UST: variants seen among roughly 807,000 people sequenced by gnomAD.
The protein encoded by UST is uronyl 2-sulfotransferase.
Under a neutral mutation model 45.6 loss-of-function variants are expected in UST, and 21 were observed. That is an observed-to-expected ratio of 0.46 (90% CI 0.33 to 0.66). The LOEUF (loss-of-function observed/expected upper bound fraction) is 0.66. UST is among the 30% of genes least tolerant of loss of function. The pLI, the probability that UST is intolerant of heterozygous loss-of-function variation, is 0.02. For missense variants in UST, 463 were observed against 512.4 expected (o/e 0.90, Z 0.93); for synonymous variants, 215 against 200.6 (o/e 1.07, Z -0.61).
At chr6:148,749,836 T>C (rs1775953970) in intron 1 of UST, among the ~76,000 whole-genome samples, 1 of 152,224 alleles carries the variant, frequency 6.6e-6, no homozygotes, top group Admixed American at 6.5e-5. Flanking sequence ...CTGATCATTA[T>C]ATTTCTGACT....
intron 1 of UST, among the ~76,000 whole-genome samples, chr6:148,753,484 GAAT>G (rs1306312880): frequency 6.6e-6 from 1 of 152,106 alleles, no homozygotes; most frequent in African/African-American, 2.4e-5. Context: ...TTTTATGGCT[GAAT>G]AATATTTCCT....
chr6:148,814,482 A>T (rs1777319226), intron 1 of UST, among the ~76,000 whole-genome samples: 2 of 148,290 alleles, frequency 1.3e-5, no homozygotes, highest in Admixed American at 6.8e-5. Context: ...CAACTGCATT[A>T]AAAAAAAAAT....
intron 7 of UST, among the ~76,000 whole-genome samples, chr6:149,034,750 A>AT (rs1008453492): frequency 6.6e-6 from 1 of 151,300 alleles, no homozygotes; most frequent in Non-Finnish European, 1.5e-5. Context: ...TGGGAGGGAA[A>AT]TTTTTTTTGA....
intron 4 of UST, among the ~76,000 whole-genome samples, chr6:148,962,210 T>C (rs757489412): frequency 2.6e-5 from 4 of 152,274 alleles, no homozygotes; most frequent in Admixed American, 6.5e-5. Context: ...AAGTCTTGCA[T>C]TGGATTGCAA....
chr6:148,759,729 C>T (rs1161125984), intron 1 of UST, among the ~76,000 whole-genome samples: 3 of 140,806 alleles, frequency 2.1e-5, no homozygotes, highest in South Asian at 2.3e-4. Flanking sequence ...GCGCTTGTAG[C>T]CCCAGCTACT....
intron 1 of UST, among the ~76,000 whole-genome samples, chr6:148,831,182 A>G (rs976425003): frequency 1.3e-5 from 2 of 152,162 alleles, no homozygotes; most frequent in Non-Finnish European, 1.5e-5. Flanking sequence ...TCTTTCTCAC[A>G]GACTAGACCA....
intron 1 of UST, among the ~76,000 whole-genome samples, chr6:148,864,243 C>G (rs979497951): frequency 6.6e-6 from 1 of 152,224 alleles, no homozygotes; most frequent in African/African-American, 2.4e-5. Flanking sequence ...CCTCGCAGTT[C>G]GATCTCATAC....
intron 1 of UST, among the ~76,000 whole-genome samples, chr6:148,868,792 G>T (rs937019017): frequency 1.3e-5 from 2 of 152,112 alleles, no homozygotes; most frequent in African/African-American, 4.8e-5. Context: ...AGCGTAACAA[G>T]GGCTACATCT....
At chr6:148,955,766 A>G (rs2114943662) in intron 4 of UST, 1 of 152,352 alleles carries the variant, frequency 6.6e-6, no homozygotes, top group South Asian at 2.1e-4. Flanking sequence ...ACATCCTTAA[A>G]CCTCATTCAT....
At chr6:148,844,451 C>CAGTTTG (rs1231290366) in intron 1 of UST, among the ~76,000 whole-genome samples, 6 of 152,230 alleles carry the variant, frequency 3.9e-5, no homozygotes, top group African/African-American at 1.4e-4. Flanking sequence ...ACATATCTTA[C>CAGTTTG]ATGTACAGTT....
At chr6:148,953,822 G>A (rs758516607) in intron 3 of UST, 50 bp from the exon 4 acceptor site, 20 of 1,090,550 alleles carry the variant, frequency 1.8e-5, no homozygotes, top group Non-Finnish European at 2.6e-5. Context: ...AACTTAATAT[G>A]GCTTGGTAAA....
At chr6:149,005,332 C>T (rs910103732) in intron 5 of UST, 14 of 985,328 alleles carry the variant, frequency 1.4e-5, no homozygotes, top group Non-Finnish European at 1.7e-5. Context: ...GAGGGTTGAG[C>T]GGCCCTGGCT....
chr6:148,805,112 G>A (rs1019005982), intron 1 of UST, among the ~76,000 whole-genome samples: 1 of 152,104 alleles, frequency 6.6e-6, no homozygotes, highest in Non-Finnish European at 1.5e-5. Context: ...ATATGCACAT[G>A]TACATAAAGT....
intron 2 of UST, among the ~76,000 whole-genome samples, chr6:148,905,116 A>G (rs1354314872): frequency 1.3e-5 from 2 of 152,244 alleles, no homozygotes; most frequent in Admixed American, 6.5e-5. Context: ...CATTTTTGTG[A>G]AAAGGAAATC....
intron 1 of UST, among the ~76,000 whole-genome samples, chr6:148,771,933 T>TC (rs2050402650): frequency 6.6e-6 from 1 of 151,998 alleles, no homozygotes; most frequent in African/African-American, 2.4e-5. Context: ...TCTTCCTACC[T>TC]CCCCCAAAAG....
At chr6:148,956,523 G>A in intron 4 of UST, among the ~76,000 whole-genome samples, 1 of 152,122 alleles carries the variant, frequency 6.6e-6, no homozygotes, top group Non-Finnish European at 1.5e-5. Flanking sequence ...CACAATACAT[G>A]GGAATTACAG....
intron 7 of UST, among the ~76,000 whole-genome samples, chr6:149,050,751 C>T (rs900125987): frequency 1.3e-5 from 2 of 152,148 alleles, no homozygotes; most frequent in Admixed American, 1.3e-4. Flanking sequence ...TAAATTGATT[C>T]TGAGTTTTTA....
chr6:148,949,439 C>A (rs1315808567), intron 3 of UST, among the ~76,000 whole-genome samples: 3 of 136,838 alleles, frequency 2.2e-5, no homozygotes, highest in African/African-American at 8.8e-5. Flanking sequence ...AATAATATTA[C>A]TTATTCATGG....
intron 1 of UST, among the ~76,000 whole-genome samples, chr6:148,857,905 A>C (rs545335438): frequency 1.3e-5 from 2 of 152,046 alleles, no homozygotes; most frequent in Non-Finnish European, 2.9e-5. Flanking sequence ...TTCTCCTGTC[A>C]GTGAATAGGA....
Sources: allele counts gnomAD v4.1 joint callset (sites outside exome capture counted in the v4.1 genomes callset), GRCh38; gene constraint gnomAD v4.1.1; transcripts MANE v1.5; gene names NCBI Gene and HGNC (gene_info 2026-07-23, HGNC 2026-07-21).